Variants in CSMD3 observed in about 807,000 individuals in gnomAD.
The protein encoded by CSMD3 is CUB and sushi domain-containing protein 3.
In CSMD3, 177 loss-of-function variants were observed where a neutral mutation model predicts 435.2. The ratio of observed to expected loss-of-function variants is 0.41; its 90% CI spans 0.36 to 0.46. The LOEUF (loss-of-function observed/expected upper bound fraction) is 0.46. Ranked by LOEUF, CSMD3 falls within the 20% of genes least tolerant of loss-of-function variation. The pLI, the probability that CSMD3 is intolerant of heterozygous loss-of-function variation, is 0.34. For missense variants in CSMD3, 4,265 were observed against 4,504.6 expected (o/e 0.95, Z 1.52); for synonymous variants, 1,656 against 1,520.5 (o/e 1.09, Z -2.07).
At chr8:112,331,125 G>A (rs183982540) in intron 45 of CSMD3, among the ~76,000 whole-genome samples, 19 of 152,072 alleles carry the variant, frequency 1.2e-4, no homozygotes, top group Admixed American at 3.3e-4. Flanking sequence ...TTCAATAAAT[G>A]GTTGTTACCA....
At chr8:112,354,210 T>G (rs540388804) in intron 38 of CSMD3, among the ~76,000 whole-genome samples, 1 of 151,844 alleles carries the variant, frequency 6.6e-6, no homozygotes, top group African/African-American at 2.4e-5. Flanking sequence ...AATAATAAGA[T>G]CCATATATGA....
At chr8:112,751,676 C>G (rs928016016) in intron 13 of CSMD3, among the ~76,000 whole-genome samples, 1 of 145,860 alleles carries the variant, frequency 6.9e-6, no homozygotes, top group African/African-American at 2.5e-5. Flanking sequence ...TCACCTGTTT[C>G]ACAAAGTCAC....
chr8:112,412,473 A>G (rs1811460314), intron 32 of CSMD3, among the ~76,000 whole-genome samples: 1 of 152,148 alleles, frequency 6.6e-6, no homozygotes, highest in Admixed American at 6.6e-5. Context: ...TTTGCTCTCA[A>G]GATACAAGAG....
At chr8:113,281,714 T>C in intron 2 of CSMD3, among the ~76,000 whole-genome samples, 1 of 151,900 alleles carries the variant, frequency 6.6e-6, no homozygotes, top group East Asian at 1.9e-4. Flanking sequence ...TTGTTGCCTG[T>C]GTACTTTGTT....
intron 27 of CSMD3, among the ~76,000 whole-genome samples, chr8:112,547,788 G>GC (rs749371058): frequency 1.3e-5 from 2 of 151,548 alleles, no homozygotes; most frequent in East Asian, 3.9e-4. Flanking sequence ...GAAAGCAGCA[G>GC]AGAGAGAGAG....
chr8:113,273,814 T>C (rs1275113620), intron 3 of CSMD3, among the ~76,000 whole-genome samples: 2 of 152,170 alleles, frequency 1.3e-5, no homozygotes, highest in Non-Finnish European at 2.9e-5. Flanking sequence ...GATTAATCTT[T>C]TGTATTTAGG....
At chr8:113,346,184 C>G (rs1016632539) in intron 1 of CSMD3, among the ~76,000 whole-genome samples, 5 of 151,980 alleles carry the variant, frequency 3.3e-5, no homozygotes, top group African/African-American at 9.7e-5. Context: ...CGTTTTCTTA[C>G]TTTCCACTCT....
chr8:112,515,861 T>G (rs1230705524), intron 28 of CSMD3, among the ~76,000 whole-genome samples: 2 of 152,084 alleles, frequency 1.3e-5, no homozygotes, highest in Non-Finnish European at 2.9e-5. Flanking sequence ...ACTTTTTTTT[T>G]TATTATTTCA....
At chr8:112,437,315 T>C (rs1190395298) in intron 32 of CSMD3, among the ~76,000 whole-genome samples, 1 of 152,124 alleles carries the variant, frequency 6.6e-6, no homozygotes, top group Non-Finnish European at 1.5e-5. Context: ...TTTTGTTACA[T>C]TTCATTGATT....
At chr8:112,647,285 C>A (rs1241005565) in intron 19 of CSMD3, among the ~76,000 whole-genome samples, 1 of 149,844 alleles carries the variant, frequency 6.7e-6, no homozygotes, top group African/African-American at 2.5e-5. Context: ...TCATTTAATC[C>A]TGTCATTTTC....
At chr8:112,583,796 G>T (rs1319778011) in intron 23 of CSMD3, among the ~76,000 whole-genome samples, 1 of 151,856 alleles carries the variant, frequency 6.6e-6, no homozygotes, top group East Asian at 1.9e-4. Flanking sequence ...AAATTGAAAA[G>T]AAAAGATACA....
At chr8:112,804,417 A>G (rs1055419269) in intron 12 of CSMD3, among the ~76,000 whole-genome samples, 1 of 152,174 alleles carries the variant, frequency 6.6e-6, no homozygotes, top group Non-Finnish European at 1.5e-5. Context: ...TAGAGTGAGC[A>G]AAGAAAGAAA....
At position 112,501,768 on chromosome 8, in the gene CSMD3, G is replaced by T. The variant is rs1021367407; in HGVS notation, c.5083+2022C>A. 9.9e-5 allele frequency among the ~76,000 whole-genome samples: 15 copies of T among 152,078 alleles called. No homozygotes were observed. In the South Asian group the frequency reaches 2.1e-3, roughly 21 times the overall value. On this transcript the variant is annotated intron_variant, in intron 30 of 70. Coordinates refer to ENST00000297405, the MANE Select transcript of CSMD3 (RefSeq NM_198123.2). ...GTTCATTTCATCGTCATTCATTTCT[G>T]GTAGTAATAAACCAGAACAACCTAA... is the stretch of plus-strand genomic sequence containing the variant.
At chr8:112,861,274 A>G (rs1447844203) in intron 10 of CSMD3, among the ~76,000 whole-genome samples, 1 of 151,834 alleles carries the variant, frequency 6.6e-6, no homozygotes. Context: ...TTTCTAAAAC[A>G]CAGATTTAAT....
intron 1 of CSMD3, among the ~76,000 whole-genome samples, chr8:113,372,794 C>G (rs3860882): frequency 0.61 from 92,298 of 151,582 alleles, 29,459 homozygotes; most frequent in East Asian, 0.75. Flanking sequence ...ATTAGCCGGG[C>G]GTGGTGGCGG....
At chr8:113,133,505 TG>T (rs1341279481) in intron 4 of CSMD3, among the ~76,000 whole-genome samples, 1 of 152,074 alleles carries the variant, frequency 6.6e-6, no homozygotes, top group Non-Finnish European at 1.5e-5. Flanking sequence ...GCAACTTATG[TG>T]GAAAATAGAA....
chr8:112,598,137 A>C (rs1157804921), intron 22 of CSMD3, among the ~76,000 whole-genome samples: 1 of 145,058 alleles, frequency 6.9e-6, no homozygotes, highest in South Asian at 2.2e-4. Flanking sequence ...TCAGCCCAAA[A>C]TCTCCTTAAG....
intron 19 of CSMD3, 21 bp downstream of exon 19, chr8:112,650,140 G>C (rs1047459624): frequency 6.5e-7 from 1 of 1,543,912 alleles, no homozygotes. Flanking sequence ...AGCATATTTT[G>C]CATGTCAAAT....
chr8:112,382,313 A>G (rs983709892), intron 37 of CSMD3, among the ~76,000 whole-genome samples: 1 of 151,374 alleles, frequency 6.6e-6, no homozygotes, highest in Non-Finnish European at 1.5e-5. Flanking sequence ...AAAAATTAAT[A>G]ATACTACTAA....
Sources: allele counts gnomAD v4.1 joint callset (sites outside exome capture counted in the v4.1 genomes callset), GRCh38; gene constraint gnomAD v4.1.1; transcripts MANE v1.5; gene names NCBI Gene and HGNC (gene_info 2026-07-23, HGNC 2026-07-21).